The following CEP57L1 variants were observed in gnomAD, a reference collection of about 807,000 sequenced individuals.
CEP57L1 encodes the protein centrosomal protein 57 like 1.
In CEP57L1, 37 loss-of-function variants were observed where a neutral mutation model predicts 61.0. The observed-to-expected ratio is 0.61, with a 90% CI of 0.47 to 0.80. CEP57L1 has a LOEUF of 0.80. Ranked by LOEUF, CEP57L1 falls within the 30% of genes least tolerant of loss-of-function variation. The pLI is 0.00. For missense variants in CEP57L1, 422 were observed against 524.7 expected (o/e 0.80, Z 1.91); for synonymous variants, 137 against 162.3 (o/e 0.84, Z 1.19).
intron 7 of CEP57L1, chr6:109,157,686 G>T (rs1310955711): frequency 6.6e-6 from 1 of 152,166 alleles, no homozygotes; most frequent in African/African-American, 2.4e-5. Flanking sequence ...GGAAAATATA[G>T]CTTGGGGTGA....
intron 10 of CEP57L1, 32 bp from the exon 11 acceptor site, chr6:109,162,717 G>T (rs750290950): frequency 1.2e-5 from 16 of 1,371,012 alleles, no homozygotes; most frequent in Middle Eastern, 1.9e-4. Flanking sequence ...GTATATTTTT[G>T]ACTAAAATGT....
rs548730063 is a variant in CEP57L1, at chr6:109,135,164, C to T, written c.-3-10055C>T. On this transcript the variant is annotated intron_variant, in intron 1 of 10. Coordinates refer to ENST00000517392, the MANE Select transcript of CEP57L1 (RefSeq NM_001271852.3). ...CATCATGCTACCTGACTTCAAACTA[C>T]GCTACAAGGCTACAGTAACCAAAAC... Among the ~76,000 whole-genome samples the T allele has an allele frequency of 1.2e-3, 187 of 152,146 alleles. 1 individual carries two copies. The highest frequency in any genetic ancestry group is 3.6e-3 in the African/African-American group (151 of 41,536).
intron 1 of CEP57L1, among the ~76,000 whole-genome samples, chr6:109,099,057 G>T (rs1782056779): frequency 6.6e-6 from 1 of 152,210 alleles, no homozygotes; most frequent in African/African-American, 2.4e-5. Flanking sequence ...GAATGGGAGA[G>T]AGAGGAAAGG....
intron 1 of CEP57L1, among the ~76,000 whole-genome samples, chr6:109,120,934 A>G (rs1042576627): frequency 3.7e-5 from 4 of 106,880 alleles, no homozygotes; most frequent in African/African-American, 1.1e-4. Flanking sequence ...ACACACACAC[A>G]CACACACACA....
intron 1 of CEP57L1, chr6:109,129,556 A>T (rs572575195): frequency 2.2e-6 from 1 of 455,148 alleles, no homozygotes; most frequent in Admixed American, 2.4e-5. Context: ...TTACTTCTAC[A>T]TTAAATTTTC....
At position 109,153,822 on chromosome 6, in the gene CEP57L1, A is replaced by G. The variant is rs753141466; in HGVS notation, c.463-11A>G. On this transcript the variant is annotated splice_polypyrimidine_tract_variant and intron_variant, in intron 4 of 10. Transcript: ENST00000517392. ...AATTCAGGGTTGCTATTTTATTTTT[A>G]TCCTTTCTAGGCCCAGCTTCAGAGG... 3 of 1,565,092 alleles carry G rather than the reference A, an allele frequency of 1.9e-6. No homozygotes were observed. The highest frequency in any genetic ancestry group is 2.6e-6 in the Non-Finnish European group (3 of 1,141,184).
At position 109,173,424 on chromosome 6, in the gene CEP57L1, CTTTTT is replaced by C; in HGVS notation, c.*10466_*10470del. On this transcript the variant is annotated 3_prime_UTR_variant, in exon 11 of 11. Transcript: ENST00000517392. The stretch of plus-strand genomic sequence containing the variant: ...CCCCCTCAGCCCGCCCCCTACCTTT[CTTTTT>C]TTTTTTTTTTTCTTTTCAGGGTCTT... Among the ~76,000 whole-genome samples the C allele has an allele frequency of 7.5e-6, 1 of 133,672 alleles. No homozygotes were observed. Among genetic ancestry groups the C allele is most frequent in the South Asian group, 2.4e-4 (1 of 4,118 alleles). The allele number at this position is 133,672 out of a possible 152,430, so 87.7% of individuals were successfully genotyped here.
intron 1 of CEP57L1, among the ~76,000 whole-genome samples, chr6:109,137,624 A>T (rs1268152194): frequency 6.6e-6 from 1 of 152,174 alleles, no homozygotes; most frequent in Non-Finnish European, 1.5e-5. Context: ...TAATGGCTGT[A>T]TAATTTTACA....
chr6:109,149,742 T>C (rs1265419986), intron 3 of CEP57L1, among the ~76,000 whole-genome samples: 16 of 152,250 alleles, frequency 1.1e-4, no homozygotes, highest in Non-Finnish European at 1.6e-4. Flanking sequence ...TGATTCTTCC[T>C]ACCCATGAGC....
chr6:109,146,947 G>T lies in CEP57L1; in HGVS notation c.340+10G>T. On this transcript the variant is annotated intron_variant, in intron 3 of 10. Coordinates refer to ENST00000517392, the MANE Select transcript of CEP57L1 (RefSeq NM_001271852.3). The stretch of plus-strand genomic sequence containing the variant: ...ATAAAGCAGAAAAAAGGTAAGAAAT[G>T]CAGTAGTTCTCAGAAACCGGGGGTT... 2 of 1,594,656 alleles carry T rather than the reference G, an allele frequency of 1.3e-6. No individual in the cohort carries two copies. The highest frequency in any genetic ancestry group is 1.7e-6 in the Non-Finnish European group (2 of 1,173,720).
chr6:109,151,321 G>A (rs1182355214), intron 4 of CEP57L1, among the ~76,000 whole-genome samples: 1 of 152,124 alleles, frequency 6.6e-6, no homozygotes, highest in Non-Finnish European at 1.5e-5. Context: ...TAAGATGAAA[G>A]TCTTTCTCTA....
In CEP57L1 at chr6:109,166,988, A is replaced by T. The variant is rs1040155445; in HGVS notation, c.*4018A>T. On this transcript the variant is annotated 3_prime_UTR_variant, in exon 11 of 11. Coordinates refer to ENST00000517392, the MANE Select transcript of CEP57L1 (RefSeq NM_001271852.3). ...ACATATGACAAGACAACCTTCACTAAGGCATAATAGCAACTGTGAGATTTT... is the reference window on the plus strand; with the variant it reads ...ACATATGACAAGACAACCTTCACTATGGCATAATAGCAACTGTGAGATTTT... Among the ~76,000 whole-genome samples the T allele has an allele frequency of 6.6e-6, 1 of 152,232 alleles. No individual in the cohort carries two copies. The highest frequency in any genetic ancestry group is 2.4e-5 in the African/African-American group (1 of 41,468).
intron 1 of CEP57L1, among the ~76,000 whole-genome samples, chr6:109,100,701 A>G (rs1782288403): frequency 6.6e-6 from 1 of 151,468 alleles, no homozygotes; most frequent in South Asian, 2.1e-4. Flanking sequence ...AAGAAGAAAG[A>G]AAGAAAGTTT....
intron 1 of CEP57L1, among the ~76,000 whole-genome samples, chr6:109,138,586 A>G (rs2114816451): frequency 6.6e-6 from 1 of 152,284 alleles, no homozygotes; most frequent in Non-Finnish European, 1.5e-5. Context: ...ATCCTGTTCA[A>G]TTGCTTTCCA....
At chr6:109,128,807 T>C (rs1013572812) in intron 1 of CEP57L1, among the ~76,000 whole-genome samples, 2 of 152,236 alleles carry the variant, frequency 1.3e-5, no homozygotes, top group African/African-American at 2.4e-5. Context: ...TTCGTGTTCC[T>C]GCTAAACCTC....
chr6:109,140,698 ATATGTTG>A (rs1360783628), intron 1 of CEP57L1: 1 of 148,118 alleles, frequency 6.8e-6, no homozygotes, highest in African/African-American at 2.5e-5. Context: ...GCCCGGCCTT[ATATGTTG>A]TATTAATTTT....
At chr6:109,156,951 C>G (rs1207128356) in intron 7 of CEP57L1, 5 of 151,972 alleles carry the variant, frequency 3.3e-5, no homozygotes, top group African/African-American at 1.2e-4. Context: ...AGCTACAAAG[C>G]CAAATAGAAA....
intron 5 of CEP57L1, 45 bp from the exon 6 acceptor site, chr6:109,155,185 G>T: frequency 8.5e-7 from 1 of 1,178,100 alleles, no homozygotes; most frequent in South Asian, 1.4e-5. Flanking sequence ...AATGATATTT[G>T]GCTCTAGTTT....
At chr6:109,141,073 G>T (rs144358479) in intron 1 of CEP57L1, among the ~76,000 whole-genome samples, 1 of 151,506 alleles carries the variant, frequency 6.6e-6, no homozygotes, top group Non-Finnish European at 1.5e-5. Context: ...CTCGTAATCC[G>T]CCCGCCTCGG....
Sources: allele counts gnomAD v4.1 joint callset (sites outside exome capture counted in the v4.1 genomes callset), GRCh38; gene constraint gnomAD v4.1.1; transcripts MANE v1.5; gene names NCBI Gene and HGNC (gene_info 2026-07-23, HGNC 2026-07-21).